Variants in UBXN11 observed in about 807,000 individuals in gnomAD.
UBXN11 encodes the protein UBX domain-containing protein 11.
In UBXN11, 47 loss-of-function variants were observed where a neutral mutation model predicts 62.8. That is an observed-to-expected ratio of 0.75 (90% CI 0.59 to 0.95). UBXN11 has a LOEUF of 0.95. Among genes scored for constraint, UBXN11 ranks in the 40% least tolerant of loss-of-function variants. UBXN11 has a pLI of 0.00. For synonymous variants in UBXN11, 294 were observed against 267.0 expected, an observed-to-expected ratio of 1.10 and a Z score of -0.99; for missense variants, 638 against 661.7, an observed-to-expected ratio of 0.96 and a Z score of 0.39.
intron 12 of UBXN11, 44 bp downstream of exon 12, chr1:26,284,098 T>C: frequency 6.5e-7 from 1 of 1,545,890 alleles, no homozygotes; most frequent in Admixed American, 2.0e-5. Flanking sequence ...GGGCTGGTGC[T>C]AAAGTTCCCC....
intron 1 of UBXN11, among the ~76,000 whole-genome samples, chr1:26,315,885 C>G (rs957664456): frequency 6.6e-6 from 1 of 151,980 alleles, no homozygotes; most frequent in East Asian, 1.9e-4. Flanking sequence ...GTCTAGAACT[C>G]CTGACCTCAG....
intron 1 of UBXN11, among the ~76,000 whole-genome samples, chr1:26,312,174 C>T (rs147319882): frequency 1.7e-3 from 252 of 152,194 alleles, no homozygotes; most frequent in Non-Finnish European, 4.3e-4. Flanking sequence ...CCCATGAAAT[C>T]ATCTCTGGTT....
chr1:26,293,723 TC>T (rs2073326554), intron 8 of UBXN11, among the ~76,000 whole-genome samples: 1 of 9,136 alleles, frequency 1.1e-4, no homozygotes, highest in Non-Finnish European at 2.6e-4. Flanking sequence ...AGACTCCGTC[TC>T]AAAAAAAAAA....
At chr1:26,284,324 C>T (rs1302338248) in intron 11 of UBXN11, 38 bp downstream of exon 11, 1 of 1,613,604 alleles carries the variant, frequency 6.2e-7, no homozygotes, top group Non-Finnish European at 8.5e-7. Flanking sequence ...GTTCTGCAGT[C>T]CCCCAGCCCC....
At chr1:26,318,334 TGGGGCACCCAAGG>T in exon 1 of UBXN11, 1 of 452,034 alleles carries the variant, frequency 2.2e-6, no homozygotes, top group Non-Finnish European at 4.0e-6. Context: ...CTAGGCGCGT[TGGGGCACCCAAGG>T]GGTGTTGTGG....
chr1:26,294,440 A>G, intron 7 of UBXN11, 109 bp from the exon 8 acceptor site: 2 of 1,469,552 alleles, frequency 1.4e-6, no homozygotes, highest in Admixed American at 4.6e-5. Context: ...TGGGGCCCCC[A>G]GAGCTGACCA....
rs766170962 is a variant in UBXN11, at chr1:26,285,803, C to A, written c.774+20G>T. 64 of 1,576,672 alleles carry A rather than the reference C, an allele frequency of 4.1e-5. 1 individual carries two copies. The highest frequency in any genetic ancestry group is 2.9e-4 in the Admixed American group (17 of 58,096). The stretch of plus-strand genomic sequence containing the variant: ...GCAGCAGGGGCACTAGAGCACCACC[C>A]CCCCCAACACCGCTCCTACCTGTGT... On this transcript the variant is annotated intron_variant, in intron 9 of 14. Coordinates refer to ENST00000374222, the MANE Select transcript of UBXN11 (RefSeq NM_001389556.1).
chr1:26,294,045 C>G, intron 8 of UBXN11, 160 bp downstream of exon 8: 1 of 1,117,282 alleles, frequency 9.0e-7, no homozygotes, highest in South Asian at 1.5e-5. Flanking sequence ...GAGGCCAAGG[C>G]TGCTCCCACA....
In UBXN11 at chr1:26,302,362, T is replaced by TAAAAA. The variant is rs56003085; in HGVS notation, c.71+446_71+450dup. On this transcript the variant is annotated intron_variant, in intron 2 of 14. Transcript: ENST00000374222. ...GGGCGACAGAGCGAGACTTGGTCTT[T>TAAAAA]AAAAAAAAAAAAAAAAAAAAAAAAA... Among the ~76,000 whole-genome samples the TAAAAA allele has an allele frequency of 2.3e-3, 162 of 69,548 alleles. 1 individual carries two copies. Among genetic ancestry groups the TAAAAA allele is most frequent in the Middle Eastern group, 0.026 (2 of 76 alleles). The allele number at this position is 69,548 out of a possible 152,430, so 45.6% of individuals were successfully genotyped here. A position where few individuals can be genotyped will look rare whatever the true frequency, so the allele number is the denominator to read the frequency against.
intron 12 of UBXN11, 48 bp from the exon 13 acceptor site, chr1:26,282,985 G>C (rs1162313340): frequency 6.2e-7 from 1 of 1,612,256 alleles, no homozygotes; most frequent in Non-Finnish European, 8.5e-7. Context: ...CCCCATTTGA[G>C]TCATCCCCAC....
At chr1:26,301,927 A>C (rs1041459736) in intron 2 of UBXN11, among the ~76,000 whole-genome samples, 4 of 152,122 alleles carry the variant, frequency 2.6e-5, no homozygotes, top group African/African-American at 9.7e-5. Context: ...GACTTCACCC[A>C]GTGGAGAAGG....
chr1:26,310,199 G>A (rs952066125), upstream of UBXN11, among the ~76,000 whole-genome samples: 2 of 152,108 alleles, frequency 1.3e-5, no homozygotes, highest in East Asian at 1.9e-4. Context: ...TCAGGAGTTC[G>A]AGACCAGCCT....
chr1:26,282,323 A>AGGACAGGGACTGGGGCCGGGACCG lies in UBXN11; in HGVS notation c.1515_1538dup (p.Gly506_Pro513dup). The AGGACAGGGACTGGGGCCGGGACCG allele has an allele frequency of 7.2e-7, 1 of 1,386,626 alleles. No individual in the cohort carries two copies. Among genetic ancestry groups the AGGACAGGGACTGGGGCCGGGACCG allele is most frequent in the Admixed American group, 3.2e-5 (1 of 31,228 alleles). 85.9% of individuals were successfully genotyped at this position (1,386,626 alleles called of 1,614,324 possible). On this transcript the variant is annotated inframe_insertion, in exon 15 of 15. Transcript: ENST00000374222. Reference sequence around the variant, plus strand: ...TTTATTGGGGGCTGGGACTGGGTCCAGGACAGGGACTGGGGCCGGGACCGG... The same window carrying AGGACAGGGACTGGGGCCGGGACCG: ...TTTATTGGGGGCTGGGACTGGGTCCAGGACAGGGACTGGGGCCGGGACCGGGACAGGGACTGGGGCCGGGACCGG...
intron 12 of UBXN11, 107 bp downstream of exon 12, chr1:26,284,035 G>A (rs2073065670): frequency 8.7e-7 from 1 of 1,152,820 alleles, no homozygotes; most frequent in South Asian, 1.5e-5. Flanking sequence ...GGACTCATCA[G>A]GTGCCTCAAG....
intron 8 of UBXN11, among the ~76,000 whole-genome samples, chr1:26,289,934 C>A (rs1401385058): frequency 1.3e-5 from 2 of 152,228 alleles, no homozygotes. Context: ...TTACTGCAGT[C>A]ACTCTGCTCT....
chr1:26,316,957 G>A (rs188274506), intron 1 of UBXN11, among the ~76,000 whole-genome samples: 12 of 151,888 alleles, frequency 7.9e-5, no homozygotes, highest in East Asian at 1.9e-4. Context: ...GGCTGGGCGC[G>A]GTGGCTCATG....
chr1:26,289,205 T>C (rs746050950), intron 8 of UBXN11, among the ~76,000 whole-genome samples: 2 of 152,162 alleles, frequency 1.3e-5, no homozygotes, highest in African/African-American at 4.8e-5. Flanking sequence ...CTTCCTCTTC[T>C]GTACAATGAG....
chr1:26,302,636 A>G (rs1490620930), intron 2 of UBXN11, among the ~76,000 whole-genome samples, 177 bp downstream of exon 2: 1 of 152,210 alleles, frequency 6.6e-6, no homozygotes, highest in African/African-American at 2.4e-5. Context: ...GTTTATGCTC[A>G]GATCCAAAGT....
chr1:26,282,722 C>G lies in UBXN11; in HGVS notation c.1219G>C (p.Glu407Gln), dbSNP rs2124629282. 1.9e-6 allele frequency: 3 copies of G among 1,614,194 alleles called. No individual in the cohort carries two copies. Among genetic ancestry groups the G allele is most frequent in the East Asian group, 2.2e-5 (1 of 44,880 alleles). ...SMLRIKSENG[E>Q]QAFLLMMQPD... ...TGCATCATCAGTAGGAAGGCCTGTTCCCCATTCTCAGACTTGATGCGCAGC... is the reference window on the plus strand; with the variant it reads ...TGCATCATCAGTAGGAAGGCCTGTTGCCCATTCTCAGACTTGATGCGCAGC... Residue 407 changes from glutamate to glutamine, a missense_variant, in exon 14 of 15, where the codon GAA becomes CAA. Physicochemically the swap from Glu to Gln is conservative, Grantham distance 29. Coordinates refer to ENST00000374222, the MANE Select transcript of UBXN11 (RefSeq NM_001389556.1).
Sources: gnomAD v4.1 joint callset for allele counts (sites outside exome capture counted in the v4.1 genomes callset) on GRCh38, gnomAD v4.1.1 for gene constraint, MANE v1.5 for transcripts, NCBI Gene and HGNC (gene_info 2026-07-23, HGNC 2026-07-21) for gene names.